The following APLF variants were observed in gnomAD, a reference collection of about 807,000 sequenced individuals.
APLF encodes aprataxin and PNKP like factor.
APLF carries 61 observed loss-of-function variants against 55.6 expected under a neutral mutation model. The observed-to-expected ratio is 1.10, with a 90% CI of 0.89 to 1.36. The LOEUF is 1.36. Ranked by LOEUF, APLF falls within the 40% of genes most tolerant of loss-of-function variation. The pLI is 0.00. For missense variants in APLF, 611 were observed against 602.5 expected (o/e 1.01, Z -0.15); for synonymous variants, 207 against 214.8 (o/e 0.96, Z 0.32).
Position 68,537,989 on chromosome 2 carries a change from A to G in APLF, c.922A>G (p.Lys308Glu). The change falls in exon 7 of 10, where the codon AAA becomes GAA. Residue 308 changes from lysine (K) to glutamate (E), a missense_variant. Lys to Glu is a moderately conservative substitution (Grantham distance 56). Coordinates refer to ENST00000303795, the MANE Select transcript of APLF (RefSeq NM_173545.3). ...GGAACTTGGTAAAGTTTCTAAACAT[A>G]AAATTGCCACTAAAAGAACACCACA... The part of the protein sequence containing the change: ...IEELGKVSKH[K>E]IATKRTPHKE... The G allele has an allele frequency of 1.2e-6, 2 of 1,613,766 alleles. No individual in the cohort carries two copies. The highest frequency in any genetic ancestry group is 1.7e-6 in the Non-Finnish European group (2 of 1,179,846).
At chr2:68,477,764 G>A (rs906337655) in intron 1 of APLF, among the ~76,000 whole-genome samples, 2 of 152,162 alleles carry the variant, frequency 1.3e-5, no homozygotes, top group Admixed American at 6.5e-5. Flanking sequence ...GGTGGAAGGC[G>A]AATGAGGCGC....
At chr2:68,563,784 A>G (rs1367426242) in intron 8 of APLF, among the ~76,000 whole-genome samples, 1 of 152,084 alleles carries the variant, frequency 6.6e-6, no homozygotes, top group Non-Finnish European at 1.5e-5. Context: ...TTAACTGTTA[A>G]GGGCAAAGCA....
intron 5 of APLF, chr2:68,515,656 A>G (rs969951944): frequency 9.1e-6 from 9 of 984,590 alleles, no homozygotes; most frequent in Non-Finnish European, 1.1e-5. Context: ...GTAATTTGAC[A>G]TTGGTCTGGA....
At chr2:68,501,848 A>T (rs765714760) in intron 2 of APLF, among the ~76,000 whole-genome samples, 1 of 152,166 alleles carries the variant, frequency 6.6e-6, no homozygotes, top group Non-Finnish European at 1.5e-5. Flanking sequence ...TATATGTCTT[A>T]GTTCATTTTG....
At chr2:68,505,498 T>A (rs1393095470) in intron 3 of APLF, among the ~76,000 whole-genome samples, 1 of 152,050 alleles carries the variant, frequency 6.6e-6, no homozygotes, top group African/African-American at 2.4e-5. Flanking sequence ...TTCGTATTGA[T>A]GAAACTGAAA....
intron 8 of APLF, among the ~76,000 whole-genome samples, chr2:68,557,912 A>AG (rs1671058981): frequency 7.5e-6 from 1 of 133,298 alleles, no homozygotes; most frequent in South Asian, 2.4e-4. Context: ...CTCCATCTGA[A>AG]AAAAAAAAAA....
In APLF at chr2:68,467,679, G is replaced by A. The variant is rs909656268; in HGVS notation, c.-53G>A. ...TGCCCCGCGCGTGTCTGTGGAGGGC[G>A]GAAACAGCGGAGGGGCCAGTCTCCT... is the stretch of plus-strand genomic sequence containing the variant. On this transcript the variant is annotated 5_prime_UTR_variant, in exon 1 of 10. Coordinates refer to ENST00000303795, the MANE Select transcript of APLF (RefSeq NM_173545.3). 3 of 1,217,294 alleles carry A rather than the reference G, an allele frequency of 2.5e-6. No homozygotes were observed. Among genetic ancestry groups the A allele is most frequent in the South Asian group, 4.2e-5 (1 of 24,022 alleles). 75.4% of individuals were successfully genotyped at this position (1,217,294 alleles called of 1,614,324 possible).
rs1209432549 is a variant in APLF at position 68,579,893 on chromosome 2, TACAAACAATGCA to T, written c.*1872_*1883del. On this transcript the variant is annotated 3_prime_UTR_variant, in exon 10 of 10. Transcript: ENST00000303795. ...TGGTTGCACAACTCTGTAAATATATTACAAACAATGCATTGTACACTTTCAAAGGGTAGATTT... is the reference window on the plus strand; with the variant it reads ...TGGTTGCACAACTCTGTAAATATATTTTGTACACTTTCAAAGGGTAGATTT... 2.4e-6 allele frequency: 1 copy of T among 415,090 alleles called. No homozygotes were observed. The highest frequency in any genetic ancestry group is 2.2e-5 in the African/African-American group (1 of 46,304). The allele number at this position is 415,090 out of a possible 1,614,324, so 25.7% of individuals were successfully genotyped here.
At chr2:68,495,981 A>T (rs1357157910) in intron 2 of APLF, among the ~76,000 whole-genome samples, 2 of 152,238 alleles carry the variant, frequency 1.3e-5, no homozygotes, top group Non-Finnish European at 2.9e-5. Flanking sequence ...CTAACCCATG[A>T]GATCATTCTT....
chr2:68,519,855 T>C (rs1431000750), intron 5 of APLF, among the ~76,000 whole-genome samples: 1 of 151,830 alleles, frequency 6.6e-6, no homozygotes, highest in African/African-American at 2.4e-5. Context: ...CTAGATCAAA[T>C]GGTAGATCTA....
At chr2:68,477,154 T>G (rs1436281786) in intron 1 of APLF, among the ~76,000 whole-genome samples, 1 of 149,926 alleles carries the variant, frequency 6.7e-6, no homozygotes, top group Non-Finnish European at 1.5e-5. Flanking sequence ...AGTTGAGAGA[T>G]ATGTAGACAA....
chr2:68,523,896 T>C (rs988626877), intron 5 of APLF, among the ~76,000 whole-genome samples: 6 of 151,776 alleles, frequency 4.0e-5, no homozygotes, highest in African/African-American at 7.2e-5. Flanking sequence ...TCAAAATGGC[T>C]TCTCATGCAG....
chr2:68,570,853 T>A (rs1340282094), intron 9 of APLF, among the ~76,000 whole-genome samples: 3 of 152,210 alleles, frequency 2.0e-5, no homozygotes, highest in African/African-American at 7.2e-5. Flanking sequence ...TAGTTCTAGA[T>A]CCCTGAGGAA....
chr2:68,552,401 T>C (rs1354561770), intron 8 of APLF, among the ~76,000 whole-genome samples: 1 of 149,500 alleles, frequency 6.7e-6, no homozygotes, highest in Non-Finnish European at 1.5e-5. Flanking sequence ...AATCTTATCC[T>C]TAACCAATAC....
chr2:68,497,401 G>A (rs900668572), intron 2 of APLF, among the ~76,000 whole-genome samples: 7 of 151,930 alleles, frequency 4.6e-5, no homozygotes, highest in African/African-American at 1.7e-4. Flanking sequence ...ATGATAGTGA[G>A]TTCTCACGAC....
chr2:68,525,673 C>A (rs1670018670), intron 5 of APLF, among the ~76,000 whole-genome samples: 1 of 151,450 alleles, frequency 6.6e-6, no homozygotes, highest in African/African-American at 2.4e-5. Flanking sequence ...TAAGTGTTTC[C>A]AAGTTAGCAT....
At chr2:68,520,111 A>G (rs888546420) in intron 5 of APLF, among the ~76,000 whole-genome samples, 9 of 151,804 alleles carry the variant, frequency 5.9e-5, no homozygotes, top group African/African-American at 2.2e-4. Context: ...CCATTTGTAT[A>G]TCTTCTTGTG....
At chr2:68,494,299 AAAAG>A (rs1489892244) in intron 2 of APLF, among the ~76,000 whole-genome samples, 3 of 150,606 alleles carry the variant, frequency 2.0e-5, no homozygotes, top group African/African-American at 4.9e-5. Context: ...AAAAAAAAAA[AAAAG>A]AAAAGAAAAA....
In APLF at chr2:68,470,503, T is replaced by G. The variant is rs180927003; in HGVS notation, c.96+2676T>G. Among the ~76,000 whole-genome samples the G allele has an allele frequency of 1.3e-3, 203 of 152,316 alleles. 1 individual carries two copies. Among genetic ancestry groups the G allele is most frequent in the Non-Finnish European group, 2.4e-3 (166 of 68,024 alleles). ...AATGGTACAAGAGATATTTCTATAT[T>G]ATATCTTTCAACTACATGTGAATCT... On this transcript the variant is annotated intron_variant, in intron 1 of 9. Transcript: ENST00000303795.
Sources: gnomAD v4.1 joint callset for allele counts (sites outside exome capture counted in the v4.1 genomes callset) on GRCh38, gnomAD v4.1.1 for gene constraint, MANE v1.5 for transcripts, NCBI Gene and HGNC (gene_info 2026-07-23, HGNC 2026-07-21) for gene names.